The following PHF2 variants were observed in gnomAD, a reference collection of about 807,000 sequenced individuals.
PHF2 encodes PHD finger protein 2, also known as lysine-specific demethylase PHF2.
In PHF2, 27 loss-of-function variants were observed where a neutral mutation model predicts 120.5. The ratio of observed to expected loss-of-function variants is 0.22; its 90% CI spans 0.17 to 0.31. The LOEUF (loss-of-function observed/expected upper bound fraction) is 0.31, where lower values mean the gene tolerates loss of function less well. Ranked by LOEUF, PHF2 falls within the 10% of genes least tolerant of loss-of-function variation. PHF2 has a pLI of 1.00. For synonymous variants in PHF2, 568 were observed against 592.5 expected (o/e 0.96, Z 0.60); for missense variants, 1,024 against 1,434.8 (o/e 0.71, Z 4.63).
intron 3 of PHF2, among the ~76,000 whole-genome samples, chr9:93,643,625 C>T (rs1295305284): frequency 6.6e-6 from 1 of 152,198 alleles, no homozygotes; most frequent in Non-Finnish European, 1.5e-5. Flanking sequence ...TTTCCTCCCA[C>T]CTGCCTGCTT....
intron 9 of PHF2, among the ~76,000 whole-genome samples, chr9:93,657,211 AT>A (rs1220413005): frequency 6.6e-6 from 1 of 151,746 alleles, no homozygotes; most frequent in Non-Finnish European, 1.5e-5. Flanking sequence ...TTTATGCGTG[AT>A]TTCCTTTCTC....
At chr9:93,621,159 G>A (rs1476365780) in intron 1 of PHF2, among the ~76,000 whole-genome samples, 1 of 152,238 alleles carries the variant, frequency 6.6e-6, no homozygotes, top group African/African-American at 2.4e-5. Context: ...GGATCCCTGT[G>A]GAGGGTCTAC....
intron 1 of PHF2, among the ~76,000 whole-genome samples, chr9:93,595,635 C>A (rs1825317535): frequency 6.6e-6 from 1 of 152,238 alleles, no homozygotes; most frequent in Non-Finnish European, 1.5e-5. Context: ...TATACACAGA[C>A]CGAGATTTGC....
At chr9:93,626,281 G>A (rs964167399) in intron 1 of PHF2, among the ~76,000 whole-genome samples, 2 of 152,200 alleles carry the variant, frequency 1.3e-5, no homozygotes, top group African/African-American at 2.4e-5. Context: ...CCTAGTGGGT[G>A]TGAAGTGATA....
chr9:93,651,692 T>C (rs924135662), intron 5 of PHF2, among the ~76,000 whole-genome samples: 6 of 152,152 alleles, frequency 3.9e-5, no homozygotes, highest in African/African-American at 1.4e-4. Context: ...CAGATACATG[T>C]CACATCTGGT....
At chr9:93,644,496 C>T (rs1243286316) in intron 3 of PHF2, among the ~76,000 whole-genome samples, 1 of 152,170 alleles carries the variant, frequency 6.6e-6, no homozygotes, top group Non-Finnish European at 1.5e-5. Flanking sequence ...AGCTGCGGCT[C>T]CTGTCATTCT....
At chr9:93,647,014 C>T (rs533674864) in intron 4 of PHF2, among the ~76,000 whole-genome samples, 3 of 152,300 alleles carry the variant, frequency 2.0e-5, no homozygotes, top group Admixed American at 1.3e-4. Context: ...CCCCTGGTCT[C>T]GCCTGTGCTC....
At chr9:93,658,100 TG>T in intron 9 of PHF2, 44 bp from the exon 10 acceptor site, 2 of 1,399,738 alleles carry the variant, frequency 1.4e-6, no homozygotes, top group Non-Finnish European at 1.0e-6. Flanking sequence ...AAGGCACCTG[TG>T]GGCAGCAGGC....
At chr9:93,661,690 GATGA>G (rs559290563) in intron 12 of PHF2, among the ~76,000 whole-genome samples, 6 of 151,996 alleles carry the variant, frequency 3.9e-5, no homozygotes, top group East Asian at 3.9e-4. Context: ...TAGATGAATG[GATGA>G]ATGGATGGAT....
intron 5 of PHF2, among the ~76,000 whole-genome samples, chr9:93,649,808 A>G (rs909425006): frequency 4.6e-5 from 7 of 152,186 alleles, no homozygotes; most frequent in African/African-American, 1.7e-4. Context: ...ACACACCTGC[A>G]GTCATGACAC....
chr9:93,672,372 G>T (rs56116015), intron 17 of PHF2: 1 of 943,066 alleles, frequency 1.1e-6, no homozygotes, highest in Non-Finnish European at 1.2e-6. Context: ...GTAGATGCAG[G>T]TGTGAGTGTG....
At chr9:93,665,893 G>T in intron 15 of PHF2, 29 bp downstream of exon 15, 2 of 1,612,666 alleles carry the variant, frequency 1.2e-6, no homozygotes, top group Non-Finnish European at 1.7e-6. Flanking sequence ...TTGGGGGAGG[G>T]GTGTGGGAGA....
At chr9:93,676,192 T>G (rs1826907904) in intron 20 of PHF2, among the ~76,000 whole-genome samples, 1 of 152,132 alleles carries the variant, frequency 6.6e-6, no homozygotes, top group African/African-American at 2.4e-5. Context: ...CTTTAGCTCC[T>G]CCCAGCTCAG....
intron 3 of PHF2, among the ~76,000 whole-genome samples, chr9:93,640,682 G>A (rs1022648643): frequency 1.3e-5 from 2 of 152,098 alleles, no homozygotes; most frequent in Non-Finnish European, 2.9e-5. Flanking sequence ...TGATAATTCG[G>A]AAATCTGTGC....
intron 2 of PHF2, among the ~76,000 whole-genome samples, chr9:93,633,379 A>G (rs1385354194): frequency 6.6e-6 from 1 of 152,232 alleles, no homozygotes; most frequent in African/African-American, 2.4e-5. Context: ...CTGATGAGGA[A>G]GCCACATAGT....
chr9:93,662,152 TAGAC>T (rs1473667887), intron 12 of PHF2, among the ~76,000 whole-genome samples: 4 of 147,158 alleles, frequency 2.7e-5, no homozygotes, highest in South Asian at 4.2e-4. Context: ...GATGGATGGA[TAGAC>T]AGAGGAATGA....
intron 1 of PHF2, among the ~76,000 whole-genome samples, chr9:93,616,751 G>T (rs536812863): frequency 6.6e-6 from 1 of 152,012 alleles, no homozygotes; most frequent in African/African-American, 2.4e-5. Context: ...CGCCTCCTGG[G>T]TTCAAGTGAT....
Position 93,665,799 on chromosome 9 carries a change from G to A in PHF2, c.2051G>A (p.Gly684Asp). 1 of 1,614,024 alleles carries A rather than the reference G, an allele frequency of 6.2e-7. No individual in the cohort carries two copies. Among genetic ancestry groups the A allele is most frequent in the Non-Finnish European group, 8.5e-7 (1 of 1,180,020 alleles). ...RDEYEYVSDD[G>D]ELKIDEFPIR... ...GAGTATGAGTACGTGTCGGATGACG[G>A]TGAGCTCAAGATCGACGAGTTTCCC... The change falls in exon 15 of 22, where the codon GGT becomes GAT. Residue 684 changes from glycine to aspartate, a missense_variant. Coordinates refer to ENST00000359246, the MANE Select transcript of PHF2 (RefSeq NM_005392.4).
chr9:93,637,615 G>A (rs1208514396), intron 3 of PHF2, among the ~76,000 whole-genome samples: 1 of 152,182 alleles, frequency 6.6e-6, no homozygotes, highest in Non-Finnish European at 1.5e-5. Context: ...GCATGTGTTA[G>A]CACCTCACTC....
Sources: gnomAD v4.1 joint callset for allele counts (sites outside exome capture counted in the v4.1 genomes callset) on GRCh38, gnomAD v4.1.1 for gene constraint, MANE v1.5 for transcripts, NCBI Gene and HGNC (gene_info 2026-07-23, HGNC 2026-07-21) for gene names.